The following FBXL16 variants were observed in gnomAD, a reference collection of about 807,000 sequenced individuals.
FBXL16 encodes the protein F-box/LRR-repeat protein 16.
Under a neutral mutation model 36.7 loss-of-function variants are expected in FBXL16, and 7 were observed. That is an observed-to-expected ratio of 0.19 (90% CI 0.11 to 0.36). FBXL16 has a LOEUF of 0.36. FBXL16 is among the 10% of genes least tolerant of loss of function. The pLI is 1.00. For missense variants in FBXL16, 463 were observed against 659.4 expected, an observed-to-expected ratio of 0.70 and a Z score of 3.26; for synonymous variants, 355 against 308.7, an observed-to-expected ratio of 1.15 and a Z score of -1.57.
chr16:698,515 G>A (rs1323066685), intron 1 of FBXL16, among the ~76,000 whole-genome samples: 1 of 152,200 alleles, frequency 6.6e-6, no homozygotes, highest in African/African-American at 2.4e-5. Flanking sequence ...AGGGTCTGGG[G>A]TGGCCTCTGG....
intron 1 of FBXL16, among the ~76,000 whole-genome samples, chr16:701,421 G>T (rs1021344511): frequency 3.7e-4 from 57 of 152,320 alleles, no homozygotes; most frequent in African/African-American, 1.4e-3. Flanking sequence ...CTCCCGGCTT[G>T]ACTGACTCAG....
chr16:694,470 G>C (rs201836897), intron 5 of FBXL16, 47 bp from the exon 6 acceptor site: 5 of 1,508,992 alleles, frequency 3.3e-6, no homozygotes, highest in South Asian at 2.5e-5. Flanking sequence ...CCCAGGGCTC[G>C]GGCGGGGACG....
chr16:694,746 G>C, intron 4 of FBXL16, 49 bp from the exon 5 acceptor site: 2 of 1,552,132 alleles, frequency 1.3e-6, no homozygotes, highest in African/African-American at 1.4e-5. Context: ...GCACCGAGGC[G>C]GAGGGCACCC....
chr16:696,757 C>CCCCCCCCA lies in FBXL16; in HGVS notation c.633+15_633+16insTGGGGGGG. ...CCCTGCCCCCCAGCCCTGTCCCCCCCGAGCCTGGTGCACACCTCGAGGCCT... is the reference window on the plus strand; with the variant it reads ...CCCTGCCCCCCAGCCCTGTCCCCCCCCCCCCCCAGAGCCTGGTGCACACCTCGAGGCCT... On this transcript the variant is annotated intron_variant, in intron 2 of 5. Coordinates refer to ENST00000397621, the MANE Select transcript of FBXL16 (RefSeq NM_153350.4). 7.0e-7 allele frequency: 1 copy of CCCCCCCCA among 1,427,174 alleles called. No individual in the cohort carries two copies. The highest frequency in any genetic ancestry group is 2.5e-5 in the Admixed American group (1 of 40,416). The allele number at this position is 1,427,174 out of a possible 1,614,324, so 88.4% of individuals were successfully genotyped here.
chr16:695,536 C>A lies in FBXL16; in HGVS notation c.1021G>T (p.Val341Leu). 1 of 1,600,688 alleles carries A rather than the reference C, an allele frequency of 6.2e-7. No individual in the cohort carries two copies. The highest frequency in any genetic ancestry group is 1.1e-5 in the South Asian group (1 of 90,420). The change falls in exon 3 of 6, where the codon GTG becomes TTG. Residue 341 changes from valine (V) to leucine (L), a missense_variant. Around this residue, in one of 3 missense-constraint regions of FBXL16, gnomAD observed 66 missense variants for 146.3 expected, o/e 0.45. Coordinates refer to ENST00000397621, the MANE Select transcript of FBXL16 (RefSeq NM_153350.4). ...CGCAGCTTGCGCAGGTTCTCGGCCA[C>A]GAGCTCCACGCCGTCGTCGGTGACC... Reference protein sequence around the residue: ...SKVTDDGVELVAENLRKLRSL... With the variant: ...SKVTDDGVELLAENLRKLRSL...
In FBXL16 at chr16:694,065, A is replaced by ACCCGCCGCCCC. The variant is rs894227384; in HGVS notation, c.*199_*209dup. On this transcript the variant is annotated 3_prime_UTR_variant, in exon 6 of 6. Coordinates refer to ENST00000397621, the MANE Select transcript of FBXL16 (RefSeq NM_153350.4). ...GTGCGTGCGTGCGTGGGGCGGGCCC[A>ACCCGCCGCCCC]CCCGCCGCCCCCCTGCCCGGGGCGG... is the stretch of plus-strand genomic sequence containing the variant. The ACCCGCCGCCCC allele has an allele frequency of 8.1e-6, 2 of 245,594 alleles. No individual in the cohort carries two copies. The highest frequency in any genetic ancestry group is 5.7e-5 in the Admixed American group (1 of 17,670). The allele number at this position is 245,594 out of a possible 1,614,324, so 15.2% of individuals were successfully genotyped here.
rs2151520998 is a variant in FBXL16, at chr16:697,587, G to A, written c.-14-168C>T. Among the ~76,000 whole-genome samples the A allele has an allele frequency of 6.6e-6, 1 of 152,280 alleles. No individual in the cohort carries two copies. Among genetic ancestry groups the A allele is most frequent in the Admixed American group, 6.5e-5 (1 of 15,296 alleles). ...CCTGCTTCTCCCTCCCAGACTGTGA[G>A]CAGCAACAGGAAGCCAACCATGGCC... is the stretch of plus-strand genomic sequence containing the variant. On this transcript the variant is annotated intron_variant, in intron 1 of 5. Transcript: ENST00000397621. The surrounding 1 kb of genome is among the most constrained non-coding windows in gnomAD (Gnocchi z 4.6).
chr16:698,107 G>T (rs910919191), intron 1 of FBXL16, among the ~76,000 whole-genome samples: 3 of 152,042 alleles, frequency 2.0e-5, no homozygotes, highest in African/African-American at 4.8e-5. Context: ...AGGTTCAAGT[G>T]ATTCTCCTGC....
In FBXL16 at chr16:694,158, TG is replaced by T; in HGVS notation, c.*116del. 2 of 688,976 alleles carry T rather than the reference TG, an allele frequency of 2.9e-6. No homozygotes were observed. Among genetic ancestry groups the T allele is most frequent in the Non-Finnish European group, 4.0e-6 (2 of 496,444 alleles). 42.7% of individuals were successfully genotyped at this position (688,976 alleles called of 1,614,324 possible). On this transcript the variant is annotated 3_prime_UTR_variant, in exon 6 of 6. Coordinates refer to ENST00000397621, the MANE Select transcript of FBXL16 (RefSeq NM_153350.4). ...CCTCGGCTCGCCCCGCCTCCCGCGC[TG>T]GGCCGGGGGCGCGGGGGCTCCCCCG...
intron 1 of FBXL16, among the ~76,000 whole-genome samples, chr16:698,887 C>T (rs183627486): frequency 2.1e-3 from 279 of 132,296 alleles, no homozygotes; most frequent in Admixed American, 6.6e-3. Context: ...GTACTCCAGC[C>T]TGGGGAACAG....
chr16:700,900 C>G (rs955469276), intron 1 of FBXL16, among the ~76,000 whole-genome samples: 2 of 152,214 alleles, frequency 1.3e-5, no homozygotes, highest in South Asian at 2.1e-4. Flanking sequence ...TCCCGGCAGC[C>G]CCCGCTCAGC....
intron 1 of FBXL16, among the ~76,000 whole-genome samples, chr16:704,627 G>A (rs2040078288): frequency 2.0e-5 from 3 of 152,368 alleles, no homozygotes; most frequent in Admixed American, 6.5e-5. Flanking sequence ...ACCCCACAGA[G>A]GGGGTGGGCT....
Position 694,716 on chromosome 16 carries a change from C to G in FBXL16, c.1228-19G>C, listed in dbSNP as rs2039997511. The G allele has an allele frequency of 3.1e-6, 5 of 1,594,888 alleles. No homozygotes were observed. The highest frequency in any genetic ancestry group is 1.7e-5 in the Admixed American group (1 of 57,402). On this transcript the variant is annotated intron_variant, in intron 4 of 5. Coordinates refer to ENST00000397621, the MANE Select transcript of FBXL16 (RefSeq NM_153350.4). The stretch of plus-strand genomic sequence containing the variant: ...CTTGCACCTGTCGGGAGTGGAGGAG[C>G]GACTTAACGATTTCCGCTCGCACCG...
In FBXL16 at chr16:697,460, A is replaced by G; in HGVS notation, c.-14-41T>C. ...GGGAGGGGGAGTGAGTCTGTTGCTG[A>G]GTCTGGAAGGCCGGGGTTGGGGGCG... On this transcript the variant is annotated intron_variant, in intron 1 of 5. Coordinates refer to ENST00000397621, the MANE Select transcript of FBXL16 (RefSeq NM_153350.4). This position sits in a 1 kb window ranked among gnomAD's most constrained non-coding sequence, Gnocchi z 4.6. The G allele has an allele frequency of 2.0e-6, 3 of 1,480,608 alleles. No homozygotes were observed. In the East Asian group the frequency reaches 7.7e-5, roughly 38 times the overall value. The allele number at this position is 1,480,608 out of a possible 1,614,324, so 91.7% of individuals were successfully genotyped here.
chr16:705,158 C>A (rs1184275284), intron 1 of FBXL16, among the ~76,000 whole-genome samples: 1 of 152,204 alleles, frequency 6.6e-6, no homozygotes, highest in Non-Finnish European at 1.5e-5. Context: ...CCTGTCACTT[C>A]GGTCCGGGGG....
chr16:695,493 C>A lies in FBXL16; in HGVS notation c.1064G>T (p.Trp355Leu). 6.3e-7 allele frequency: 1 copy of A among 1,590,994 alleles called. No individual in the cohort carries two copies. The highest frequency in any genetic ancestry group is 2.3e-5 in the East Asian group (1 of 44,376). ...LRKLRSLDLS[W>L]CPRITDMALE... ...CGCCATGTCGGTGATGCGTGGGCAC[C>A]ACGAGAGGTCAAGGCTGCGCAGCTT... Residue 355 changes from tryptophan (W) to leucine (L), a missense_variant, in exon 3 of 6, where the codon TGG becomes TTG. By Grantham distance (61) the Trp-to-Leu change is moderately conservative. Coordinates refer to ENST00000397621, the MANE Select transcript of FBXL16 (RefSeq NM_153350.4).
Position 697,014 on chromosome 16 carries a change from G to T in FBXL16, c.392C>A (p.Pro131His). 3.1e-6 allele frequency: 5 copies of T among 1,597,798 alleles called. No individual in the cohort carries two copies. The highest frequency in any genetic ancestry group is 1.3e-5 in the African/African-American group (1 of 74,668). Reference protein sequence around the residue: ...CKAWRRVLYQPKFWAGLTPVL... With the variant: ...CKAWRRVLYQHKFWAGLTPVL... ...CGGCGTGAGGCCTGCCCAGAACTTG[G>T]GCTGGTACAGCACGCGCCGCCAGGC... is the stretch of plus-strand genomic sequence containing the variant. Residue 131 changes from proline (P) to histidine (H), a missense_variant, in exon 2 of 6, where the codon CCC becomes CAC. By Grantham distance (77) the Pro-to-His change is moderately conservative (BLOSUM62 -2). Coordinates refer to ENST00000397621, the MANE Select transcript of FBXL16 (RefSeq NM_153350.4). The surrounding 1 kb of genome is among the most constrained non-coding windows in gnomAD (Gnocchi z 4.6).
In FBXL16 at chr16:699,673, G is replaced by A. The variant is rs541543691; in HGVS notation, c.-14-2254C>T. On this transcript the variant is annotated intron_variant, in intron 1 of 5. Coordinates refer to ENST00000397621, the MANE Select transcript of FBXL16 (RefSeq NM_153350.4). Reference sequence around the variant, plus strand: ...GGGCAAAGCAAGATGCATCTTCCCCGGTCTTAGGTGACTCCAGGACTAAGC... The same window carrying A: ...GGGCAAAGCAAGATGCATCTTCCCCAGTCTTAGGTGACTCCAGGACTAAGC... Among the ~76,000 whole-genome samples, 38 of 152,246 alleles carry A rather than the reference G, an allele frequency of 2.5e-4. No individual in the cohort carries two copies. The East Asian group carries it at 3.5e-3, about 14-fold the overall frequency.
chr16:694,164 G>T lies in FBXL16; in HGVS notation c.*111C>A. 5.4e-6 allele frequency: 4 copies of T among 736,406 alleles called. No individual in the cohort carries two copies. The highest frequency in any genetic ancestry group is 7.4e-6 in the Non-Finnish European group (4 of 537,878). The allele number at this position is 736,406 out of a possible 1,614,324, so 45.6% of individuals were successfully genotyped here. A position where few individuals can be genotyped will look rare whatever the true frequency, so the allele number is the denominator to read the frequency against. ...CTCGCCCCGCCTCCCGCGCTGGGCC[G>T]GGGGCGCGGGGGCTCCCCCGAGCGC... On this transcript the variant is annotated 3_prime_UTR_variant, in exon 6 of 6. Coordinates refer to ENST00000397621, the MANE Select transcript of FBXL16 (RefSeq NM_153350.4).
Sources: gnomAD v4.1 joint callset for allele counts (sites outside exome capture counted in the v4.1 genomes callset) on GRCh38, gnomAD v4.1.1 for gene constraint, gnomAD v4.1.1 regional missense constraint, Gnocchi (gnomAD v3.1) non-coding constraint, MANE v1.5 for transcripts, NCBI Gene and HGNC (gene_info 2026-07-23, HGNC 2026-07-21) for gene names.